The following S100A14 variants were observed in gnomAD, a reference collection of about 807,000 sequenced individuals.
S100A14 encodes the protein protein S100-A14.
In S100A14, 6 loss-of-function variants were observed where a neutral mutation model predicts 10.6. The observed-to-expected ratio is 0.57, with a 90% confidence interval of 0.31 to 1.12. The LOEUF (loss-of-function observed/expected upper bound fraction) is 1.12. Among genes scored for constraint, S100A14 ranks in the 50% most tolerant of loss-of-function variants. S100A14 has a pLI of 0.06. For synonymous variants in S100A14, 51 were observed against 51.0 expected (o/e 1.00, Z 0.00); for missense variants, 121 against 128.7 (o/e 0.94, Z 0.29).
chr1:153,615,525 C>A (rs766409055), intron 2 of S100A14, 144 bp from the exon 3 acceptor site: 1 of 994,096 alleles, frequency 1.0e-6, no homozygotes, highest in South Asian at 1.7e-5. Context: ...AGAATCTAGC[C>A]CCTCTCCCCC....
At chr1:153,615,748 A>G (rs1666949128) in intron 2 of S100A14, 81 bp downstream of exon 2, 2 of 1,474,432 alleles carry the variant, frequency 1.4e-6, no homozygotes, top group South Asian at 1.1e-5. Context: ...GGTGAAGGGC[A>G]GAAGTCAGTG....
At position 153,616,097 on chromosome 1, in the gene S100A14, A is replaced by T. The variant is rs546066838; in HGVS notation, c.-78-161T>A. 236 of 485,670 alleles carry T rather than the reference A, an allele frequency of 4.9e-4. 2 individuals are homozygous for T. Among genetic ancestry groups the T allele is most frequent in the Middle Eastern group, 3.9e-3 (7 of 1,776 alleles). The allele number at this position is 485,670 out of a possible 1,614,324, so 30.1% of individuals were successfully genotyped here. On this transcript the variant is annotated intron_variant, in intron 1 of 3. Coordinates refer to ENST00000344616, the MANE Select transcript of S100A14 (RefSeq NM_020672.3). ...CGCCTGGGCTTCAGGAGCCAAGGTC[A>T]TATCCCCCAGGCCAACGCATCTAGG...
Position 153,614,862 on chromosome 1 carries a change from C to T in S100A14, c.*23G>A, listed in dbSNP as rs1571272788. ...GGCCCACAGTCTCTCCCCAACACCC[C>T]CCAAGAATTCCAGAGGGAGTTCTCA... is the stretch of plus-strand genomic sequence containing the variant. On this transcript the variant is annotated 3_prime_UTR_variant, in exon 4 of 4. Coordinates refer to ENST00000344616, the MANE Select transcript of S100A14 (RefSeq NM_020672.3). The T allele has an allele frequency of 5.0e-6, 8 of 1,610,972 alleles. No homozygotes were observed. Among genetic ancestry groups the T allele is most frequent in the Middle Eastern group, 1.7e-4 (1 of 6,044 alleles).
intron 2 of S100A14, 64 bp downstream of exon 2, chr1:153,615,765 C>A (rs1367957653): frequency 6.4e-7 from 1 of 1,560,014 alleles, no homozygotes; most frequent in Non-Finnish European, 8.8e-7. Context: ...AGTGGGGGGA[C>A]ATAGACCCTC....
Position 153,614,672 on chromosome 1 carries a change from T to C in S100A14, c.*213A>G, listed in dbSNP as rs916929485. On this transcript the variant is annotated 3_prime_UTR_variant, in exon 4 of 4. Transcript: ENST00000344616. ...AAATATTCATCCCTGGCCCAACCAG[T>C]CCCCTGAGCCTCCCTCTGGTGGAGA... is the stretch of plus-strand genomic sequence containing the variant. 7 of 530,506 alleles carry C rather than the reference T, an allele frequency of 1.3e-5. No homozygotes were observed. Among genetic ancestry groups the C allele is most frequent in the Non-Finnish European group, 2.3e-5 (7 of 308,000 alleles). The allele number at this position is 530,506 out of a possible 1,614,324, so 32.9% of individuals were successfully genotyped here. A position where few individuals can be genotyped will look rare whatever the true frequency, so the allele number is the denominator to read the frequency against.
chr1:153,614,782 G>T lies in S100A14; in HGVS notation c.*103C>A. 7.2e-7 allele frequency: 1 copy of T among 1,379,528 alleles called. No individual in the cohort carries two copies. The highest frequency in any genetic ancestry group is 9.9e-7 in the Non-Finnish European group (1 of 1,008,876). 85.5% of individuals were successfully genotyped at this position (1,379,528 alleles called of 1,614,324 possible). ...GGAAGCTGAACTTTGCAGAGATGAG[G>T]ACAGGTGCAGGCTAGGGTACAGGGT... On this transcript the variant is annotated 3_prime_UTR_variant, in exon 4 of 4. Transcript: ENST00000344616.
intron 2 of S100A14, among the ~76,000 whole-genome samples, 154 bp from the exon 3 acceptor site, chr1:153,615,535 C>T (rs1045543693): frequency 6.6e-6 from 1 of 152,098 alleles, no homozygotes; most frequent in South Asian, 2.1e-4. Flanking sequence ...CCCTCTCCCC[C>T]ACCCCCTGCT....
chr1:153,615,407 T>A (rs759974262), intron 2 of S100A14, 26 bp from the exon 3 acceptor site: 49 of 1,608,274 alleles, frequency 3.0e-5, no homozygotes, highest in Non-Finnish European at 3.9e-5. Context: ...ATCACAAACA[T>A]CAGTGAAGCT....
At chr1:153,615,773 C>T (rs1666949575) in intron 2 of S100A14, 56 bp downstream of exon 2, 2 of 1,592,808 alleles carry the variant, frequency 1.3e-6, no homozygotes, top group East Asian at 2.2e-5. Context: ...GACATAGACC[C>T]TCAGGGTGAA....
rs750997012 is a variant in S100A14 at position 153,615,055 on chromosome 1, T to C, written c.178-33A>G. ...GAGTGAAGAAACCATGGCTCAGGGA[T>C]GCAGCACCTTCCAATCTTCCCACCC... On this transcript the variant is annotated intron_variant, in intron 3 of 3. Coordinates refer to ENST00000344616, the MANE Select transcript of S100A14 (RefSeq NM_020672.3). 5.6e-6 allele frequency: 9 copies of C among 1,609,284 alleles called. No individual in the cohort carries two copies. In the South Asian group the frequency reaches 9.9e-5, roughly 18 times the overall value.
In S100A14 at chr1:153,615,240, T is replaced by C; in HGVS notation, c.172A>G (p.Met58Val). Residue 58 changes from methionine to valine, a missense_variant, in exon 3 of 4, where the codon ATG becomes GTG. Transcript: ENST00000344616. Reference protein sequence around the residue: ...DLVTQQLPHLMPSNCGLEEKI... With the variant: ...DLVTQQLPHLVPSNCGLEEKI... ...GGGGTGTGCTCCGTCCATACCGGCA[T>C]GAGATGGGGCAGCTGCTGGGTGACC... 6.2e-7 allele frequency: 1 copy of C among 1,610,456 alleles called. No individual in the cohort carries two copies.
chr1:153,615,547 G>A (rs1323999688), intron 2 of S100A14, among the ~76,000 whole-genome samples, 166 bp from the exon 3 acceptor site: 5 of 151,874 alleles, frequency 3.3e-5, no homozygotes, highest in African/African-American at 9.7e-5. Context: ...CCCCCTGCTC[G>A]GCCTCCAGGC....
rs1486561653 is a variant in S100A14 at position 153,615,829 on chromosome 1, C to T, written c.30G>A (p.Glu10=). 2 of 1,614,020 alleles carry T rather than the reference C, an allele frequency of 1.2e-6. No homozygotes were observed. The highest frequency in any genetic ancestry group is 1.7e-6 in the Non-Finnish European group (2 of 1,179,914). Reference sequence around the variant, plus strand: ...AAAGGCCAGGAGTGAATGAGCCCACCTCTGCGTTGGCTGACCGACACTGTC... The same window carrying T: ...AAAGGCCAGGAGTGAATGAGCCCACTTCTGCGTTGGCTGACCGACACTGTC... MGQCRSANA[E]DAQEFSDVER... is the part of the protein sequence containing the mutation. Residue 10 remains glutamate, a splice_region_variant and synonymous_variant, in exon 2 of 4, where the codon GAG becomes GAA. Transcript: ENST00000344616.
At chr1:153,616,119 T>A in intron 1 of S100A14, 176 bp downstream of exon 1, 1 of 447,964 alleles carries the variant, frequency 2.2e-6, no homozygotes, top group Non-Finnish European at 4.1e-6. Flanking sequence ...CCAACGCATC[T>A]AGGGGGAATC....
chr1:153,616,059 T>G, intron 1 of S100A14, 123 bp from the exon 2 acceptor site: 1 of 541,784 alleles, frequency 1.8e-6, no homozygotes, highest in Non-Finnish European at 3.3e-6. Flanking sequence ...CAACACCACA[T>G]AGGCCCAGGC....
chr1:153,615,421 T>A lies in S100A14; in HGVS notation c.31-40A>T, dbSNP rs756379677. 3 of 1,602,132 alleles carry A rather than the reference T, an allele frequency of 1.9e-6. No homozygotes were observed. In the South Asian group the frequency reaches 3.4e-5, roughly 18 times the overall value. On this transcript the variant is annotated intron_variant, in intron 2 of 3. Coordinates refer to ENST00000344616, the MANE Select transcript of S100A14 (RefSeq NM_020672.3). ...CATCACAAACATCAGTGAAGCTCCA[T>A]GCACCCCAAAACCCTGCTTCTCCAG... is the stretch of plus-strand genomic sequence containing the variant.
In S100A14 at chr1:153,614,667, A is replaced by G; in HGVS notation, c.*218T>C. The G allele has an allele frequency of 1.9e-6, 1 of 521,326 alleles. No homozygotes were observed. The highest frequency in any genetic ancestry group is 3.3e-6 in the Non-Finnish European group (1 of 301,308). 32.3% of individuals were successfully genotyped at this position (521,326 alleles called of 1,614,324 possible). Reference sequence around the variant, plus strand: ...CCCTCAAATATTCATCCCTGGCCCAACCAGTCCCCTGAGCCTCCCTCTGGT... The same window carrying G: ...CCCTCAAATATTCATCCCTGGCCCAGCCAGTCCCCTGAGCCTCCCTCTGGT... On this transcript the variant is annotated 3_prime_UTR_variant, in exon 4 of 4. Transcript: ENST00000344616.
intron 2 of S100A14, 22 bp downstream of exon 2, chr1:153,615,807 G>C: frequency 6.2e-7 from 1 of 1,613,560 alleles, no homozygotes; most frequent in Non-Finnish European, 8.5e-7. Context: ...GGAGCAGAAA[G>C]GCCAGGAGTG....
At chr1:153,615,728 G>T in intron 2 of S100A14, 101 bp downstream of exon 2, 1 of 1,284,066 alleles carries the variant, frequency 7.8e-7, no homozygotes, top group Non-Finnish European at 1.1e-6. Context: ...GGGGTGCAGG[G>T]CAAGGCCAAG....
Sources: gnomAD v4.1 joint callset for allele counts (sites outside exome capture counted in the v4.1 genomes callset) on GRCh38, gnomAD v4.1.1 for gene constraint, MANE v1.5 for transcripts, NCBI Gene and HGNC (gene_info 2026-07-23, HGNC 2026-07-21) for gene names.